The following ZNF385D variants were observed in gnomAD, a reference collection of about 807,000 sequenced individuals.
ZNF385D encodes the protein zinc finger protein 385D.
Under a neutral mutation model 35.8 loss-of-function variants are expected in ZNF385D, and 15 were observed. The ratio of observed to expected loss-of-function variants is 0.42; its 90% CI spans 0.28 to 0.64. The LOEUF (loss-of-function observed/expected upper bound fraction) is 0.64. Among genes scored for constraint, ZNF385D ranks in the 30% least tolerant of loss-of-function variants. The probability of loss-of-function intolerance (pLI) is 0.23; values close to 1 mark genes in which losing one functional copy is unlikely to be tolerated. For synonymous variants in ZNF385D, 212 were observed against 186.8 expected (o/e 1.13, Z -1.10); for missense variants, 474 against 494.6 (o/e 0.96, Z 0.39).
At chr3:21,860,891 T>C (rs1375356791) in intron 3 of ZNF385D, among the ~76,000 whole-genome samples, 3 of 152,086 alleles carry the variant, frequency 2.0e-5, no homozygotes, top group Non-Finnish European at 4.4e-5. Context: ...TGTAATAACA[T>C]CCATTTAGAT....
At chr3:21,707,778 T>C (rs1320251911) in intron 1 of ZNF385D, among the ~76,000 whole-genome samples, 1 of 152,220 alleles carries the variant, frequency 6.6e-6, no homozygotes, top group Non-Finnish European at 1.5e-5. Flanking sequence ...CAATTAGTAA[T>C]ATCTATTCCC....
intron 3 of ZNF385D, among the ~76,000 whole-genome samples, chr3:22,096,795 G>A (rs1294867843): frequency 2.6e-5 from 4 of 152,066 alleles, no homozygotes; most frequent in African/African-American, 4.8e-5. Flanking sequence ...TATCTGCGGA[G>A]TTTTAAAAAT....
chr3:21,964,787 C>T (rs930306974), intron 3 of ZNF385D, among the ~76,000 whole-genome samples: 4 of 142,978 alleles, frequency 2.8e-5, no homozygotes, highest in Admixed American at 2.0e-4. Context: ...CCACTGCGCC[C>T]AGCCTAATTT....
At chr3:21,947,094 C>A (rs1052591515) in intron 3 of ZNF385D, among the ~76,000 whole-genome samples, 1 of 151,964 alleles carries the variant, frequency 6.6e-6, no homozygotes, top group African/African-American at 2.4e-5. Flanking sequence ...ATTTTGGGGT[C>A]AAAGGTGATA....
intron 1 of ZNF385D, among the ~76,000 whole-genome samples, chr3:21,665,474 C>A (rs528730771): frequency 6.6e-6 from 1 of 152,314 alleles, no homozygotes; most frequent in South Asian, 2.1e-4. Flanking sequence ...ATCCAAAACT[C>A]TGGCAGCAAG....
intron 3 of ZNF385D, among the ~76,000 whole-genome samples, chr3:21,520,356 A>G (rs184911645): frequency 6.6e-6 from 1 of 152,348 alleles, no homozygotes; most frequent in East Asian, 1.9e-4. Context: ...GATCTATCAT[A>G]CATCTCTAAA....
intron 2 of ZNF385D, among the ~76,000 whole-genome samples, chr3:22,341,685 C>T (rs752731341): frequency 2.0e-5 from 3 of 152,108 alleles, no homozygotes; most frequent in Non-Finnish European, 4.4e-5. Flanking sequence ...ATAGTCATAT[C>T]TTTTGGAGGC....
At chr3:22,366,615 A>T (rs893044166) in intron 2 of ZNF385D, among the ~76,000 whole-genome samples, 6 of 152,300 alleles carry the variant, frequency 3.9e-5, no homozygotes, top group Non-Finnish European at 7.4e-5. Flanking sequence ...TTTTTAAAAG[A>T]TGATTGTGGT....
intron 1 of ZNF385D, among the ~76,000 whole-genome samples, chr3:21,744,529 G>A (rs982602059): frequency 6.6e-6 from 1 of 152,096 alleles, no homozygotes; most frequent in Non-Finnish European, 1.5e-5. Flanking sequence ...GTGCATATAG[G>A]GTCTTTTATG....
intron 1 of ZNF385D, among the ~76,000 whole-genome samples, chr3:21,722,121 G>A (rs922628493): frequency 2.0e-5 from 3 of 147,698 alleles, no homozygotes; most frequent in Non-Finnish European, 4.5e-5. Context: ...AAAAAAAGAG[G>A]TATTTGCAAA....
intron 3 of ZNF385D, among the ~76,000 whole-genome samples, chr3:21,966,427 T>C (rs1184942852): frequency 6.6e-6 from 1 of 152,244 alleles, no homozygotes; most frequent in Non-Finnish European, 1.5e-5. Flanking sequence ...GTGGCTTTCA[T>C]TTTAATTACC....
intron 3 of ZNF385D, among the ~76,000 whole-genome samples, chr3:21,918,341 T>C (rs1244720875): frequency 6.6e-6 from 1 of 152,216 alleles, no homozygotes; most frequent in East Asian, 1.9e-4. Flanking sequence ...CCAAGATTTA[T>C]TAATACTCCA....
At chr3:21,932,473 G>A (rs1207103535) in intron 3 of ZNF385D, among the ~76,000 whole-genome samples, 5 of 151,752 alleles carry the variant, frequency 3.3e-5, no homozygotes, top group Non-Finnish European at 7.4e-5. Flanking sequence ...CATAGGTACT[G>A]TTATCCCTCT....
chr3:22,114,766 TG>T (rs1702724955), intron 3 of ZNF385D, among the ~76,000 whole-genome samples: 2 of 152,110 alleles, frequency 1.3e-5, no homozygotes, highest in South Asian at 4.1e-4. Flanking sequence ...CCAAAATTCA[TG>T]TTGAAACTTA....
rs1027699377 is a variant in ZNF385D at position 21,976,442 on chromosome 3, T to C, written c.325+192375A>G. Among the ~76,000 whole-genome samples the C allele has an allele frequency of 2.6e-5, 4 of 152,148 alleles. 1 individual carries two copies. In the South Asian group the frequency reaches 8.3e-4, roughly 32 times the overall value. On this transcript the variant is annotated intron_variant, in intron 3 of 5. Coordinates refer to the ZNF385D transcript ENST00000494108. Reference sequence around the variant, plus strand: ...AGAATTTTGAATTGAAAAAATACAATAACTAAAATTGATAGCATGATAGAG... The same window carrying C: ...AGAATTTTGAATTGAAAAAATACAACAACTAAAATTGATAGCATGATAGAG...
At chr3:21,763,848 G>A (rs2070720240) in intron 3 of ZNF385D, among the ~76,000 whole-genome samples, 1 of 152,192 alleles carries the variant, frequency 6.6e-6, no homozygotes, top group Admixed American at 6.5e-5. Flanking sequence ...TAATTTGGAA[G>A]ACATTAAAAT....
At chr3:21,973,034 AG>A (rs1376337834) in intron 3 of ZNF385D, among the ~76,000 whole-genome samples, 1 of 151,946 alleles carries the variant, frequency 6.6e-6, no homozygotes, top group East Asian at 1.9e-4. Flanking sequence ...TATTCTGAAA[AG>A]GGGAGAGGGA....
At chr3:21,462,407 G>A (rs1703234369) in intron 4 of ZNF385D, among the ~76,000 whole-genome samples, 1 of 152,122 alleles carries the variant, frequency 6.6e-6, no homozygotes, top group Non-Finnish European at 1.5e-5. Flanking sequence ...CATAAATGAT[G>A]TTACTTGCAA....
chr3:22,310,212 T>C (rs144158697), intron 2 of ZNF385D, among the ~76,000 whole-genome samples: 105 of 152,148 alleles, frequency 6.9e-4, no homozygotes, highest in African/African-American at 2.2e-3. Context: ...CATTCAGGCG[T>C]CATGATTACT....
Sources: allele counts gnomAD v4.1 joint callset (sites outside exome capture counted in the v4.1 genomes callset), GRCh38; gene constraint gnomAD v4.1.1; transcripts MANE v1.5; gene names NCBI Gene and HGNC (gene_info 2026-07-23, HGNC 2026-07-21).